The following ENOX1 variants were observed in gnomAD, a reference collection of about 807,000 sequenced individuals.
ENOX1 encodes the protein candidate growth-related and time keeping constitutive hydroquinone (NADH) oxidase.
A neutral mutation model predicts 82.5 loss-of-function variants in ENOX1; 42 were observed. The ratio of observed to expected loss-of-function variants is 0.51; its 90% CI spans 0.40 to 0.66. The LOEUF (loss-of-function observed/expected upper bound fraction) is 0.66, where lower values mean the gene tolerates loss of function less well. ENOX1 is among the 30% of genes least tolerant of loss of function. The probability of loss-of-function intolerance (pLI) is 0.00; values close to 1 mark genes in which losing one functional copy is unlikely to be tolerated. For missense variants in ENOX1, 608 were observed against 811.6 expected (o/e 0.75, Z 3.05); for synonymous variants, 271 against 282.2 (o/e 0.96, Z 0.40).
At chr13:43,625,106 C>T (rs1483559750) in intron 2 of ENOX1, among the ~76,000 whole-genome samples, 1 of 151,816 alleles carries the variant, frequency 6.6e-6, no homozygotes, top group Non-Finnish European at 1.5e-5. Flanking sequence ...ATATTTATGC[C>T]TAAGTAACTC....
intron 1 of ENOX1, among the ~76,000 whole-genome samples, chr13:43,731,416 AG>A (rs1438097928): frequency 5.3e-5 from 8 of 152,182 alleles, no homozygotes; most frequent in African/African-American, 1.9e-4. Context: ...TATTTTTAAA[AG>A]TTCCTGTTGA....
intron 15 of ENOX1, among the ~76,000 whole-genome samples, chr13:43,226,689 G>T (rs529136278): frequency 6.6e-6 from 1 of 152,296 alleles, no homozygotes; most frequent in African/African-American, 2.4e-5. Context: ...GAAGGACAGG[G>T]GAGGGAGAAG....
At chr13:43,222,815 C>T (rs991535250) in intron 16 of ENOX1, among the ~76,000 whole-genome samples, 2 of 152,180 alleles carry the variant, frequency 1.3e-5, no homozygotes, top group African/African-American at 4.8e-5. Context: ...GCAAGTCCTT[C>T]TTATTTCATC....
chr13:43,394,352 T>C (rs1250032471), intron 5 of ENOX1, among the ~76,000 whole-genome samples: 2 of 152,210 alleles, frequency 1.3e-5, no homozygotes, highest in African/African-American at 4.8e-5. Flanking sequence ...ATGTTCTTCA[T>C]TAGGCAAGGA....
intron 15 of ENOX1, among the ~76,000 whole-genome samples, chr13:43,235,141 G>A (rs1032706575): frequency 6.6e-6 from 1 of 152,162 alleles, no homozygotes; most frequent in Non-Finnish European, 1.5e-5. Flanking sequence ...GAAAAATCCA[G>A]TTACCAACTA....
chr13:43,265,274 T>G, intron 14 of ENOX1, 124 bp downstream of exon 14: 1 of 745,850 alleles, frequency 1.3e-6, no homozygotes, highest in South Asian at 2.4e-5. Flanking sequence ...AACCCATATA[T>G]TAATCTTAAG....
At chr13:43,214,738 T>C (rs9590749) in intron 16 of ENOX1, among the ~76,000 whole-genome samples, 2,186 of 152,336 alleles carry the variant, frequency 0.014, 66 homozygotes, top group African/African-American at 0.05. Flanking sequence ...ATTTGATGAA[T>C]TTTTACACCA....
chr13:43,616,168 ATCTATCTATCTATCTATC>A (rs2082442274), intron 2 of ENOX1, among the ~76,000 whole-genome samples: 1 of 7,168 alleles, frequency 1.4e-4, no homozygotes, highest in Admixed American at 2.8e-3. Flanking sequence ...ATATCTATCT[ATCTATCTATCTATCTATC>A]TATATATATA....
intron 13 of ENOX1, among the ~76,000 whole-genome samples, chr13:43,266,286 T>C (rs1352078205): frequency 6.6e-6 from 1 of 152,150 alleles, no homozygotes; most frequent in Non-Finnish European, 1.5e-5. Flanking sequence ...AAAGTATTCA[T>C]GGTAGGAAAA....
intron 1 of ENOX1, among the ~76,000 whole-genome samples, chr13:43,682,906 C>T (rs1400479519): frequency 6.6e-6 from 1 of 152,150 alleles, no homozygotes; most frequent in Non-Finnish European, 1.5e-5. Flanking sequence ...TTTATGTGTT[C>T]CGCTTAGGGC....
At chr13:43,629,324 G>A (rs538667763) in intron 2 of ENOX1, among the ~76,000 whole-genome samples, 5 of 152,302 alleles carry the variant, frequency 3.3e-5, no homozygotes, top group Admixed American at 2.6e-4. Context: ...AGAGAGAGTA[G>A]GCTTCACTGG....
chr13:43,332,866 T>C (rs2048485278), intron 9 of ENOX1, among the ~76,000 whole-genome samples: 1 of 151,740 alleles, frequency 6.6e-6, no homozygotes, highest in Non-Finnish European at 1.5e-5. Context: ...AAAGGGACGA[T>C]ATAAAAAAAA....
At chr13:43,312,472 C>T (rs530763645) in intron 11 of ENOX1, among the ~76,000 whole-genome samples, 14 of 152,276 alleles carry the variant, frequency 9.2e-5, no homozygotes, top group African/African-American at 3.4e-4. Context: ...GATATTGTAG[C>T]TCAGATCATT....
In ENOX1 at chr13:43,480,296, A is replaced by G. The variant is rs1410132962; in HGVS notation, c.-75+3713T>C. ...ACCTTGCATCACAAAGAACTGTCCC[A>G]CTTAAAATGCCAATACTGCCCTGAT... On this transcript the variant is annotated intron_variant, in intron 3 of 16. Transcript: ENST00000690772. Among the ~76,000 whole-genome samples, 7 of 152,318 alleles carry G rather than the reference A, an allele frequency of 4.6e-5. No homozygotes were observed. In the East Asian group the frequency reaches 1.3e-3, roughly 29 times the overall value.
chr13:43,463,802 T>C (rs1268716886), intron 3 of ENOX1, among the ~76,000 whole-genome samples: 2 of 152,208 alleles, frequency 1.3e-5, no homozygotes, highest in Non-Finnish European at 2.9e-5. Context: ...ATTTGTATTT[T>C]CATGACAACT....
At chr13:43,556,079 A>G (rs118117601) in intron 2 of ENOX1, among the ~76,000 whole-genome samples, 4 of 152,342 alleles carry the variant, frequency 2.6e-5, no homozygotes, top group East Asian at 1.9e-4. Context: ...TGAATGTTCA[A>G]TGTATAGCAA....
At chr13:43,632,355 C>A (rs2083252194) in intron 2 of ENOX1, among the ~76,000 whole-genome samples, 1 of 151,394 alleles carries the variant, frequency 6.6e-6, no homozygotes, top group Non-Finnish European at 1.5e-5. Flanking sequence ...CATATATATT[C>A]ATCAATTATA....
At chr13:43,463,333 A>AACATGTTTCAC (rs2057574750) in intron 3 of ENOX1, among the ~76,000 whole-genome samples, 1 of 152,222 alleles carries the variant, frequency 6.6e-6, no homozygotes, top group African/African-American at 2.4e-5. Context: ...AAGTCTGAGA[A>AACATGTTTCAC]ACATGTTTCA....
At chr13:43,363,471 G>A (rs1376583997) in intron 5 of ENOX1, among the ~76,000 whole-genome samples, 1 of 152,106 alleles carries the variant, frequency 6.6e-6, no homozygotes, top group Non-Finnish European at 1.5e-5. Context: ...TTCTAAAGAA[G>A]TTCCAGAACA....
Sources: gnomAD v4.1 joint callset for allele counts (sites outside exome capture counted in the v4.1 genomes callset) on GRCh38, gnomAD v4.1.1 for gene constraint, MANE v1.5 for transcripts, NCBI Gene and HGNC (gene_info 2026-07-23, HGNC 2026-07-21) for gene names.